ZNF366: variants seen among roughly 807,000 people sequenced by gnomAD.
The protein encoded by ZNF366 is zinc finger protein 366.
In ZNF366, 20 loss-of-function variants were observed where a neutral mutation model predicts 47.2. The observed-to-expected ratio is 0.42, with a 90% CI of 0.30 to 0.62. ZNF366 has a LOEUF of 0.62. Ranked by LOEUF, ZNF366 falls within the 20% of genes least tolerant of loss-of-function variation. The pLI, the probability that ZNF366 is intolerant of heterozygous loss-of-function variation, is 0.16. For missense variants in ZNF366, 987 were observed against 976.3 expected (o/e 1.01, Z -0.15); for synonymous variants, 421 against 395.1 (o/e 1.07, Z -0.78).
At chr5:72,483,999 A>G (rs1461396814) in intron 1 of ZNF366, among the ~76,000 whole-genome samples, 1 of 152,232 alleles carries the variant, frequency 6.6e-6, no homozygotes, top group African/African-American at 2.4e-5. Context: ...CCTTATACTT[A>G]GTTTCAATTC....
intron 3 of ZNF366, among the ~76,000 whole-genome samples, chr5:72,450,222 A>G (rs1480251044): frequency 6.6e-6 from 1 of 152,238 alleles, no homozygotes; most frequent in Non-Finnish European, 1.5e-5. Context: ...ACCACAAGTA[A>G]GGTAACTACT....
Position 72,447,342 on chromosome 5 carries a change from T to G in ZNF366, c.1600A>C (p.Lys534Gln), listed in dbSNP as rs2112315562. 1 of 1,614,182 alleles carries G rather than the reference T, an allele frequency of 6.2e-7. No homozygotes were observed. Among genetic ancestry groups the G allele is most frequent in the East Asian group, 2.2e-5 (1 of 44,878 alleles). Residue 534 changes from lysine (K) to glutamine (Q), a missense_variant, in exon 4 of 5, where the codon AAG (lysine) becomes CAG (glutamine). Lys to Gln is a moderately conservative substitution (Grantham distance 53). Transcript: ENST00000318442. ...MHLHSDSKPF[K>Q]CLYCPSKFTL... ...AATTTGCTTGGGCAATAGAGGCACT[T>G]GAAGGGTTTGCTGTCTGAGTGCAGG...
At chr5:72,457,184 C>A (rs964966781) in intron 2 of ZNF366, among the ~76,000 whole-genome samples, 5 of 152,176 alleles carry the variant, frequency 3.3e-5, no homozygotes, top group Admixed American at 3.3e-4. Flanking sequence ...GGTTATGGAG[C>A]CTTCCCTAAG....
chr5:72,494,730 A>G (rs1393653098), intron 1 of ZNF366, among the ~76,000 whole-genome samples: 1 of 151,982 alleles, frequency 6.6e-6, no homozygotes, highest in East Asian at 1.9e-4. Flanking sequence ...CTGAGACTGA[A>G]GTTGGGAAAC....
rs75573845 is a variant in ZNF366 at position 72,488,951 on chromosome 5, G to A, written c.-15+18300C>T. ...GAAATATTTCTAGCTCTTCTTTTGG[G>A]CACATGGTTGTATTGCATTTTCCTA... On this transcript the variant is annotated intron_variant, in intron 1 of 4. Transcript: ENST00000318442. Among the ~76,000 whole-genome samples the A allele has an allele frequency of 2.5e-3, 375 of 152,286 alleles. 11 individuals are homozygous for A. The East Asian group carries it at 0.056, about 23-fold the overall frequency.
In ZNF366 at chr5:72,460,181, T is replaced by C. The variant is rs1196065177; in HGVS notation, c.1316A>G (p.His439Arg). 1 of 1,613,822 alleles carries C rather than the reference T, an allele frequency of 6.2e-7. No homozygotes were observed. Among genetic ancestry groups the C allele is most frequent in the Non-Finnish European group, 8.5e-7 (1 of 1,179,926 alleles). Residue 439 changes from histidine to arginine, a missense_variant, in exon 2 of 5, where the codon CAC (histidine) becomes CGC (arginine). Transcript: ENST00000318442. ...CCGCAGTACCTTGTGGGTGAGGGAGTGCTGCTTGAGGTGGTGCGGCTGCAC... is the reference window on the plus strand; with the variant it reads ...CCGCAGTACCTTGTGGGTGAGGGAGCGCTGCTTGAGGTGGTGCGGCTGCAC... ...EFVQPHHLKQ[H>R]SLTHKGVKEH...
chr5:72,452,047 G>T (rs1365347593), intron 3 of ZNF366, among the ~76,000 whole-genome samples: 1 of 152,244 alleles, frequency 6.6e-6, no homozygotes, highest in African/African-American at 2.4e-5. Flanking sequence ...GCTGGGGCCA[G>T]AAGCAGCACA....
chr5:72,500,482 A>G (rs1396562227), intron 1 of ZNF366, among the ~76,000 whole-genome samples: 1 of 152,098 alleles, frequency 6.6e-6, no homozygotes, highest in Non-Finnish European at 1.5e-5. Context: ...CTCAGAAAGC[A>G]CCTGAAAATA....
chr5:72,452,727 G>T (rs1743099643), intron 3 of ZNF366, among the ~76,000 whole-genome samples: 1 of 152,236 alleles, frequency 6.6e-6, no homozygotes, highest in African/African-American at 2.4e-5. Context: ...GCAGCTGCCG[G>T]CTTCACCCAT....
intron 1 of ZNF366, among the ~76,000 whole-genome samples, chr5:72,483,195 C>T (rs1214748767): frequency 4.6e-5 from 7 of 152,134 alleles, no homozygotes; most frequent in African/African-American, 7.2e-5. Context: ...CAAGATTGTC[C>T]TGTGCTCTCC....
At chr5:72,499,897 T>C (rs1744180377) in intron 1 of ZNF366, among the ~76,000 whole-genome samples, 1 of 152,186 alleles carries the variant, frequency 6.6e-6, no homozygotes, top group Non-Finnish European at 1.5e-5. Flanking sequence ...TGTCCAGGCT[T>C]CAGCAAACCA....
At chr5:72,497,839 G>T (rs6452530) in intron 1 of ZNF366, among the ~76,000 whole-genome samples, 112,005 of 152,124 alleles carry the variant, frequency 0.74, 42,623 homozygotes, top group African/African-American at 0.93. Flanking sequence ...TTAATTTGCT[G>T]CTTCTTATTA....
Position 72,443,743 on chromosome 5 carries a change from T to A in ZNF366, c.*13A>T. Reference sequence around the variant, plus strand: ...CCTTCTCATTTTCCAAATGTAATTTTAAAACTGTCCACTTAGATACCTAAA... The same window carrying A: ...CCTTCTCATTTTCCAAATGTAATTTAAAAACTGTCCACTTAGATACCTAAA... On this transcript the variant is annotated 3_prime_UTR_variant, in exon 5 of 5. Transcript: ENST00000318442. 1 of 1,597,538 alleles carries A rather than the reference T, an allele frequency of 6.3e-7. No individual in the cohort carries two copies. Among genetic ancestry groups the A allele is most frequent in the Non-Finnish European group, 8.5e-7 (1 of 1,172,250 alleles).
intron 3 of ZNF366, among the ~76,000 whole-genome samples, chr5:72,455,105 G>A (rs1277376697): frequency 6.6e-6 from 1 of 152,100 alleles, no homozygotes; most frequent in African/African-American, 2.4e-5. Flanking sequence ...ATTGACTTTC[G>A]AACCACTGGG....
chr5:72,501,704 G>A (rs548202565), intron 1 of ZNF366, among the ~76,000 whole-genome samples: 2 of 152,298 alleles, frequency 1.3e-5, no homozygotes, highest in South Asian at 4.1e-4. Context: ...CTTCCTACAA[G>A]GCTGGATCCT....
chr5:72,443,627 T>C lies in ZNF366; in HGVS notation c.*129A>G, dbSNP rs923240613. 14 of 1,025,358 alleles carry C rather than the reference T, an allele frequency of 1.4e-5. No individual in the cohort carries two copies. The highest frequency in any genetic ancestry group is 2.8e-5 in the Admixed American group (1 of 35,792). 63.5% of individuals were successfully genotyped at this position (1,025,358 alleles called of 1,614,324 possible). A position where few individuals can be genotyped will look rare whatever the true frequency, so the allele number is the denominator to read the frequency against. ...GGCTTTCCATTACCTACATCCCTGCTCATTTAGTCTAAGCCATTTGTAGAG... is the reference window on the plus strand; with the variant it reads ...GGCTTTCCATTACCTACATCCCTGCCCATTTAGTCTAAGCCATTTGTAGAG... On this transcript the variant is annotated 3_prime_UTR_variant, in exon 5 of 5. Transcript: ENST00000318442.
chr5:72,463,711 G>A (rs562644339), intron 1 of ZNF366, among the ~76,000 whole-genome samples: 2 of 152,352 alleles, frequency 1.3e-5, no homozygotes, highest in East Asian at 3.9e-4. Flanking sequence ...CTATCAGAAA[G>A]GACCAGCAGG....
At chr5:72,483,981 A>G (rs575746705) in intron 1 of ZNF366, among the ~76,000 whole-genome samples, 2 of 152,312 alleles carry the variant, frequency 1.3e-5, no homozygotes, top group Admixed American at 1.3e-4. Flanking sequence ...AGACAGAATA[A>G]TATCTGTCCT....
intron 1 of ZNF366, among the ~76,000 whole-genome samples, chr5:72,463,123 G>A (rs1178101173): frequency 6.6e-6 from 1 of 152,262 alleles, no homozygotes; most frequent in Non-Finnish European, 1.5e-5. Flanking sequence ...TGGGGTGAAG[G>A]TCCCAGGGCT....
Sources: allele counts gnomAD v4.1 joint callset (sites outside exome capture counted in the v4.1 genomes callset), GRCh38; gene constraint gnomAD v4.1.1; transcripts MANE v1.5; gene names NCBI Gene and HGNC (gene_info 2026-07-23, HGNC 2026-07-21).